Variants in CSMD2 observed in about 807,000 individuals in gnomAD.
The protein encoded by CSMD2 is CUB and Sushi multiple domains 2, also known as CUB and sushi domain-containing protein 2.
A neutral mutation model predicts 398.5 loss-of-function variants in CSMD2; 130 were observed. That is an observed-to-expected ratio of 0.33 (90% CI 0.28 to 0.38). The LOEUF is 0.38. CSMD2 is among the 10% of genes least tolerant of loss of function. The pLI, the probability that CSMD2 is intolerant of heterozygous loss-of-function variation, is 1.00. For missense variants in CSMD2, 3,829 were observed against 4,764.9 expected (o/e 0.80, Z 5.78); for synonymous variants, 1,828 against 1,908.5 (o/e 0.96, Z 1.10).
intron 15 of CSMD2, among the ~76,000 whole-genome samples, chr1:33,729,089 C>A (rs1031785738): frequency 1.3e-5 from 2 of 152,172 alleles, no homozygotes; most frequent in Non-Finnish European, 2.9e-5. Flanking sequence ...TCTTTCTTGG[C>A]TCCATCTCAG....
intron 2 of CSMD2, among the ~76,000 whole-genome samples, chr1:34,034,377 G>A (rs567815426): frequency 1.3e-5 from 2 of 152,212 alleles, no homozygotes; most frequent in South Asian, 2.1e-4. Context: ...GAGTCATTCC[G>A]AGTCCTTCTA....
intron 1 of CSMD2, among the ~76,000 whole-genome samples, chr1:34,115,951 A>T (rs1254745908): frequency 1.3e-5 from 2 of 152,018 alleles, no homozygotes; most frequent in Admixed American, 1.3e-4. Flanking sequence ...TAACTATAGA[A>T]GATGCACCAA....
intron 5 of CSMD2, among the ~76,000 whole-genome samples, chr1:33,850,668 C>T (rs955724069): frequency 2.0e-5 from 3 of 152,152 alleles, no homozygotes; most frequent in African/African-American, 4.8e-5. Flanking sequence ...AACTTCACTA[C>T]GGGGGGCTTG....
At chr1:33,751,541 A>G (rs1648246812) in intron 13 of CSMD2, among the ~76,000 whole-genome samples, 1 of 152,220 alleles carries the variant, frequency 6.6e-6, no homozygotes, top group Non-Finnish European at 1.5e-5. Flanking sequence ...GCAAGGGTAC[A>G]TAGACATCCT....
intron 1 of CSMD2, among the ~76,000 whole-genome samples, chr1:34,114,467 G>A (rs553540273): frequency 2.4e-4 from 36 of 152,266 alleles, no homozygotes; most frequent in African/African-American, 8.4e-4. Flanking sequence ...GGAGGCCGAA[G>A]CAGAAGGATA....
At chr1:34,035,299 A>G (rs1324474888) in intron 2 of CSMD2, among the ~76,000 whole-genome samples, 1 of 152,206 alleles carries the variant, frequency 6.6e-6, no homozygotes, top group African/African-American at 2.4e-5. Context: ...AGAAGAATTA[A>G]CACCAATTCT....
chr1:34,147,033 G>A (rs574077228), intron 1 of CSMD2, among the ~76,000 whole-genome samples: 84 of 152,190 alleles, frequency 5.5e-4, no homozygotes, highest in Non-Finnish European at 1.1e-3. Flanking sequence ...CGAGGCGGGC[G>A]GATCATGAGA....
At chr1:33,668,916 CAT>C (rs1644400686) in intron 25 of CSMD2, among the ~76,000 whole-genome samples, 1 of 152,168 alleles carries the variant, frequency 6.6e-6, no homozygotes, top group Admixed American at 6.5e-5. Flanking sequence ...ACACCCAAAA[CAT>C]AATAATATGT....
upstream of CSMD2, chr1:34,165,824 C>G (rs750562777): frequency 1.2e-6 from 2 of 1,613,300 alleles, no homozygotes; most frequent in East Asian, 4.5e-5. Flanking sequence ...TCACAATAGC[C>G]TCCTACCCCA....
chr1:34,028,057 G>A (rs1444102542), intron 3 of CSMD2, among the ~76,000 whole-genome samples: 1 of 152,202 alleles, frequency 6.6e-6, no homozygotes, highest in East Asian at 1.9e-4. Context: ...GGTGGCTCAT[G>A]CTTGTAATCC....
At chr1:33,693,637 A>G (rs564541908) in intron 24 of CSMD2, among the ~76,000 whole-genome samples, 16 of 152,386 alleles carry the variant, frequency 1.0e-4, no homozygotes, top group African/African-American at 3.8e-4. Flanking sequence ...AAACTTGAAC[A>G]TGAATGTTCA....
intron 2 of CSMD2, among the ~76,000 whole-genome samples, chr1:34,064,822 C>A: frequency 6.6e-6 from 1 of 152,152 alleles, no homozygotes; most frequent in East Asian, 1.9e-4. Context: ...ATTGGACTTA[C>A]AGTTCCACAT....
chr1:33,567,891 A>G, intron 52 of CSMD2, 50 bp from the exon 53 acceptor site: 1 of 1,534,116 alleles, frequency 6.5e-7, no homozygotes, highest in African/African-American at 1.4e-5. Flanking sequence ...ACAACTCATT[A>G]CTTTTCCCAC....
At chr1:33,961,998 T>C (rs1298325402) in intron 3 of CSMD2, among the ~76,000 whole-genome samples, 3 of 152,180 alleles carry the variant, frequency 2.0e-5, no homozygotes, top group African/African-American at 4.8e-5. Flanking sequence ...TTAAATGAGA[T>C]AGATCATGTG....
At chr1:34,050,030 A>T (rs1652995702) in intron 2 of CSMD2, among the ~76,000 whole-genome samples, 1 of 152,214 alleles carries the variant, frequency 6.6e-6, no homozygotes, top group Non-Finnish European at 1.5e-5. Context: ...GAAACCTCTC[A>T]CCAGAATCAG....
Position 33,693,093 on chromosome 1 carries a change from G to A in CSMD2, c.3926-37C>T, listed in dbSNP as rs778243283. The stretch of plus-strand genomic sequence containing the variant: ...CCCAAAAGAGTGAGCTTCATGGGGT[G>A]GCCTGAGCTGCCAGCAGTCACTCAG... On this transcript the variant is annotated intron_variant, in intron 24 of 70. Transcript: ENST00000373381. 20 of 1,554,980 alleles carry A rather than the reference G, an allele frequency of 1.3e-5. No individual in the cohort carries two copies. The South Asian group carries it at 2.4e-4, about 19-fold the overall frequency.
chr1:34,014,107 C>T (rs1570810929), intron 3 of CSMD2, among the ~76,000 whole-genome samples: 1 of 152,334 alleles, frequency 6.6e-6, no homozygotes, highest in African/African-American at 2.4e-5. Flanking sequence ...ATTAGCTCCA[C>T]CTTCAAACTG....
rs573894166 is a variant in CSMD2, at chr1:33,817,710, C to G, written c.1324+2003G>C. Among the ~76,000 whole-genome samples, 36 of 152,358 alleles carry G rather than the reference C, an allele frequency of 2.4e-4. No individual in the cohort carries two copies. In the South Asian group the frequency reaches 7.5e-3, roughly 32 times the overall value. ...CACTTCTAAACAAGGACTGCCTCAT[C>G]TAGTCCTCAAAGTAACCCCACGAAG... On this transcript the variant is annotated intron_variant, in intron 9 of 70. Transcript: ENST00000373381.
intron 3 of CSMD2, among the ~76,000 whole-genome samples, chr1:33,962,702 C>T (rs561211442): frequency 4.5e-4 from 68 of 152,256 alleles, no homozygotes; most frequent in Admixed American, 2.5e-3. Context: ...CTCCCTCTGC[C>T]TGGAATAATC....
Sources: gnomAD v4.1 joint callset for allele counts (sites outside exome capture counted in the v4.1 genomes callset) on GRCh38, gnomAD v4.1.1 for gene constraint, MANE v1.5 for transcripts, NCBI Gene and HGNC (gene_info 2026-07-23, HGNC 2026-07-21) for gene names.